The following OR2L13 variants were observed in gnomAD, a reference collection of about 807,000 sequenced individuals.
OR2L13 encodes olfactory receptor 2L13.
Under a neutral mutation model 15.3 loss-of-function variants are expected in OR2L13, and 14 were observed. The ratio of observed to expected loss-of-function variants is 0.91; its 90% confidence interval spans 0.60 to 1.43. The LOEUF is 1.43. Ranked by LOEUF, OR2L13 falls within the 40% of genes most tolerant of loss-of-function variation. The pLI, the probability that OR2L13 is intolerant of heterozygous loss-of-function variation, is 0.00. For missense variants in OR2L13, 367 were observed against 387.9 expected (o/e 0.95, Z 0.45); for synonymous variants, 152 against 142.9 (o/e 1.06, Z -0.45).
chr1:247,947,696 G>A, the OR2L13 span, among the ~76,000 whole-genome samples: 1 of 152,146 alleles, frequency 6.6e-6, no homozygotes, highest in Non-Finnish European at 1.5e-5. Context: ...GAAATTAGGC[G>A]AGGAGGCCAA....
At chr1:247,942,424 C>T in the OR2L13 span, among the ~76,000 whole-genome samples, 3 of 152,118 alleles carry the variant, frequency 2.0e-5, no homozygotes, top group African/African-American at 7.2e-5. Context: ...GTGGGGCTAC[C>T]GAGCTTGTCT....
chr1:248,085,436 T>TAAAATAAATAA, the OR2L13 span, among the ~76,000 whole-genome samples: 1 of 84,552 alleles, frequency 1.2e-5, no homozygotes, highest in African/African-American at 4.5e-5. Flanking sequence ...TAAAATAAAA[T>TAAAATAAATAA]AATAAAATAA....
the OR2L13 span, chr1:247,997,239 A>G: frequency 6.6e-6 from 1 of 152,212 alleles, no homozygotes; most frequent in African/African-American, 2.4e-5. Context: ...TGTAGGTGGT[A>G]TAATTTATTC....
At chr1:248,027,111 G>C in the OR2L13 span, among the ~76,000 whole-genome samples, 11 of 152,190 alleles carry the variant, frequency 7.2e-5, no homozygotes, top group Non-Finnish European at 1.5e-4. Flanking sequence ...CCCTGAGAAA[G>C]AGAATGAGTT....
the OR2L13 span, chr1:247,990,590 G>T: frequency 1.6e-5 from 25 of 1,555,474 alleles, no homozygotes; most frequent in East Asian, 5.2e-4. Context: ...ACTTTAGCAG[G>T]TGCAGAAGCG....
the OR2L13 span, chr1:248,022,365 T>G: frequency 6.2e-7 from 1 of 1,614,190 alleles, no homozygotes; most frequent in South Asian, 1.1e-5. Context: ...CAAAAGAATG[T>G]ATGTGCTGAT....
At chr1:248,096,382 C>CAA (rs199591339), upstream of OR2L13, among the ~76,000 whole-genome samples, 27 of 114,342 alleles carry the variant, frequency 2.4e-4, no homozygotes, top group East Asian at 3.4e-3. Context: ...GACTCTGTCT[C>CAA]AAAAAAAAAA....
At chr1:247,944,914 C>T in the OR2L13 span, among the ~76,000 whole-genome samples, 2 of 151,786 alleles carry the variant, frequency 1.3e-5, no homozygotes, top group Non-Finnish European at 2.9e-5. Context: ...ATTTGTCTTG[C>T]TAATGATCTA....
At chr1:247,939,088 G>A in the OR2L13 span, 5 of 152,214 alleles carry the variant, frequency 3.3e-5, no homozygotes, top group Non-Finnish European at 7.3e-5. Flanking sequence ...TATTCGCTTA[G>A]AGAGTTTAAG....
the OR2L13 span, chr1:248,023,995 C>G: frequency 1.3e-5 from 2 of 152,060 alleles, no homozygotes; most frequent in East Asian, 3.8e-4. Flanking sequence ...AGAATAACAT[C>G]ATGTGATCAG....
the OR2L13 span, chr1:247,949,947 AAT>A: frequency 7.2e-6 from 4 of 554,172 alleles, no homozygotes; most frequent in South Asian, 5.8e-5. Context: ...TTGTTTTACA[AAT>A]ATATATATAA....
the OR2L13 span, among the ~76,000 whole-genome samples, chr1:247,969,858 C>T: frequency 6.6e-6 from 1 of 152,146 alleles, no homozygotes; most frequent in African/African-American, 2.4e-5. Context: ...TACTAGGAAC[C>T]TTCTACATGA....
the OR2L13 span, among the ~76,000 whole-genome samples, chr1:247,951,219 G>A: frequency 6.6e-6 from 1 of 152,116 alleles, no homozygotes; most frequent in Non-Finnish European, 1.5e-5. Flanking sequence ...GTTTGCTACT[G>A]TTATGCTTCC....
At chr1:248,061,230 G>A in the OR2L13 span, 1 of 1,611,048 alleles carries the variant, frequency 6.2e-7, no homozygotes, top group Non-Finnish European at 8.5e-7. Flanking sequence ...TCCCAGCAAT[G>A]GTGACTCTGG....
chr1:247,966,141 T>C, the OR2L13 span: 11 of 1,614,094 alleles, frequency 6.8e-6, 1 homozygote, highest in South Asian at 2.2e-5. Context: ...ATGCAACCAC[T>C]CTCTTTACCT....
At chr1:248,063,827 T>G in the OR2L13 span, among the ~76,000 whole-genome samples, 1 of 151,942 alleles carries the variant, frequency 6.6e-6, no homozygotes, top group Admixed American at 6.6e-5. Context: ...TGTGCATGCC[T>G]GAGAAGGCCA....
the OR2L13 span, chr1:248,021,805 AAT>A: frequency 1.8e-6 from 1 of 566,270 alleles, no homozygotes. Flanking sequence ...GGATATAAAA[AAT>A]AGTGTATATA....
exon 3 of OR2L13, chr1:248,100,123 T>C (rs1176373699): frequency 6.2e-7 from 1 of 1,614,032 alleles, no homozygotes; most frequent in African/African-American, 1.3e-5. Context: ...AGTGATCTTT[T>C]ACTATGCACC....
the OR2L13 span, among the ~76,000 whole-genome samples, chr1:247,992,357 G>T: frequency 2.6e-5 from 4 of 152,110 alleles, no homozygotes; most frequent in African/African-American, 9.7e-5. Flanking sequence ...GTTATGTTAT[G>T]GGGGGAGTTT....
Sources: allele counts gnomAD v4.1 joint callset (sites outside exome capture counted in the v4.1 genomes callset), GRCh38; gene constraint gnomAD v4.1.1; transcripts MANE v1.5; gene names NCBI Gene and HGNC (gene_info 2026-07-23, HGNC 2026-07-21).